The following ARAP2 variants were observed in gnomAD, a reference collection of about 807,000 sequenced individuals.
The protein encoded by ARAP2 is ArfGAP with RhoGAP domain, ankyrin repeat and PH domain 2, also known as arf-GAP with Rho-GAP domain, ANK repeat and PH domain-containing protein 2.
ARAP2 carries 148 observed loss-of-function variants against 194.5 expected under a neutral mutation model. The ratio of observed to expected loss-of-function variants is 0.76; its 90% CI spans 0.67 to 0.87. The LOEUF (loss-of-function observed/expected upper bound fraction) is 0.87. ARAP2 is among the 40% of genes least tolerant of loss of function. The pLI is 0.00. For synonymous variants in ARAP2, 695 were observed against 683.5 expected, an observed-to-expected ratio of 1.02 and a Z score of -0.26; for missense variants, 2,128 against 1,989.7, an observed-to-expected ratio of 1.07 and a Z score of -1.32.
chr4:36,123,962 A>G (rs965736705), intron 22 of ARAP2, among the ~76,000 whole-genome samples: 19 of 151,852 alleles, frequency 1.3e-4, no homozygotes, highest in African/African-American at 4.3e-4. Flanking sequence ...CTATAATTCC[A>G]TGCTGCACGC....
chr4:36,175,613 T>C (rs1305049388), intron 9 of ARAP2, among the ~76,000 whole-genome samples: 1 of 152,068 alleles, frequency 6.6e-6, no homozygotes. Context: ...CACACACATA[T>C]ACACAAACAA....
Position 36,214,446 on chromosome 4 carries a change from T to C in ARAP2, c.940A>G (p.Thr314Ala), listed in dbSNP as rs923243793. The change falls in exon 3 of 33, where the codon ACT becomes GCT. Residue 314 changes from threonine (T) to alanine (A), a missense_variant. Transcript: ENST00000303965. ...FRERRNVATSTEKSVAWQNSN... is the reference protein window; with the variant it reads ...FRERRNVATSAEKSVAWQNSN... ...CTTTGCCATGCCACAGATTTTTCAGTTGAGGTAGCAACATTTCTTCTTTCA... is the reference window on the plus strand; with the variant it reads ...CTTTGCCATGCCACAGATTTTTCAGCTGAGGTAGCAACATTTCTTCTTTCA... 6.3e-7 allele frequency: 1 copy of C among 1,595,324 alleles called. No homozygotes were observed. The highest frequency in any genetic ancestry group is 8.6e-7 in the Non-Finnish European group (1 of 1,168,914).
intron 27 of ARAP2, among the ~76,000 whole-genome samples, chr4:36,093,802 T>C (rs1438754899): frequency 6.6e-6 from 1 of 152,170 alleles, no homozygotes; most frequent in East Asian, 1.9e-4. Context: ...CAGTGTCTAC[T>C]GTTTCCGTAT....
intron 6 of ARAP2, among the ~76,000 whole-genome samples, chr4:36,017,041 A>C (rs1263285519): frequency 6.6e-6 from 1 of 152,102 alleles, no homozygotes; most frequent in Admixed American, 6.6e-5. Flanking sequence ...TTGTTTTACC[A>C]TATGCTATTT....
rs1248393864 is a variant in ARAP2 at position 36,230,792 on chromosome 4, C to A, written c.-159-1147G>T. 2.6e-5 allele frequency among the ~76,000 whole-genome samples: 4 copies of A among 152,258 alleles called. No homozygotes were observed. In the East Asian group the frequency reaches 5.8e-4, roughly 22 times the overall value. Reference sequence around the variant, plus strand: ...GATGCAGGACTGAAAAACCCCTCTACAAAAGGCACTACTTGGACTCTGCAT... The same window carrying A: ...GATGCAGGACTGAAAAACCCCTCTAAAAAAGGCACTACTTGGACTCTGCAT... On this transcript the variant is annotated intron_variant, in intron 1 of 32. Coordinates refer to ENST00000303965, the MANE Select transcript of ARAP2 (RefSeq NM_015230.4).
At chr4:36,130,743 A>G (rs1294110734) in intron 20 of ARAP2, among the ~76,000 whole-genome samples, 1 of 151,882 alleles carries the variant, frequency 6.6e-6, no homozygotes, top group Admixed American at 6.6e-5. Context: ...ATCTCTGTAT[A>G]TATCCGGCAG....
chr4:36,159,499 A>G lies in ARAP2; in HGVS notation c.2449T>C (p.Cys817Arg), dbSNP rs746893007. ...ACATCCGGTTTCACTACAGCAGCAC[A>G]TAGAGCCTGGTCATTAAAAGAAAAT... is the stretch of plus-strand genomic sequence containing the variant. ...LTKEELNKAL[C>R]AAVVKPDVLE... Residue 817 changes from cysteine to arginine, a missense_variant, in exon 14 of 33, where the codon TGT becomes CGT. Cys to Arg is a radical substitution (Grantham distance 180). Transcript: ENST00000303965. The G allele has an allele frequency of 1.3e-6, 2 of 1,542,120 alleles. No individual in the cohort carries two copies. Among genetic ancestry groups the G allele is most frequent in the South Asian group, 1.2e-5 (1 of 80,680 alleles).
intron 5 of ARAP2, among the ~76,000 whole-genome samples, chr4:36,021,356 A>G (rs955127322): frequency 6.6e-6 from 1 of 152,206 alleles, no homozygotes; most frequent in Admixed American, 6.5e-5. Context: ...CTCATGTTCA[A>G]TTGTAATCCC....
chr4:36,212,381 A>G lies in ARAP2; in HGVS notation c.1133+15T>C, dbSNP rs1425854843. ...TATTCTAAATAGTTAATCATCATCA[A>G]TCATGATCTCATACCTTGATTTGAT... On this transcript the variant is annotated intron_variant, in intron 5 of 32. Transcript: ENST00000303965. 3.2e-6 allele frequency: 5 copies of G among 1,586,092 alleles called. No homozygotes were observed. The highest frequency in any genetic ancestry group is 1.7e-5 in the Admixed American group (1 of 59,758).
intron 9 of ARAP2, among the ~76,000 whole-genome samples, chr4:36,007,632 T>G (rs1713568498): frequency 6.6e-6 from 1 of 152,198 alleles, no homozygotes; most frequent in Non-Finnish European, 1.5e-5. Context: ...TTGAAGATGT[T>G]TGTTACAGGA....
intron 2 of ARAP2, among the ~76,000 whole-genome samples, chr4:36,226,301 C>A (rs1301742433): frequency 6.6e-6 from 1 of 152,104 alleles, no homozygotes; most frequent in Non-Finnish European, 1.5e-5. Flanking sequence ...TGAAAATATA[C>A]CACTCCAGCA....
intron 6 of ARAP2, among the ~76,000 whole-genome samples, chr4:36,208,310 T>C (rs571138253): frequency 1.3e-5 from 2 of 152,324 alleles, no homozygotes; most frequent in East Asian, 3.9e-4. Context: ...CTGCTTTTTA[T>C]TACTTCTGTA....
At chr4:36,115,390 T>C (rs1721075797) in intron 25 of ARAP2, among the ~76,000 whole-genome samples, 1 of 151,998 alleles carries the variant, frequency 6.6e-6, no homozygotes, top group Non-Finnish European at 1.5e-5. Context: ...ATGCTGTTGA[T>C]ATGCATGAAC....
At chr4:36,107,768 TA>T in intron 26 of ARAP2, 75 bp from the exon 27 acceptor site, 4 of 1,426,682 alleles carry the variant, frequency 2.8e-6, no homozygotes, top group South Asian at 1.4e-5. Flanking sequence ...TCATAAATTT[TA>T]AAAAATCCAT....
intron 13 of ARAP2, chr4:36,160,197 C>A: frequency 9.2e-7 from 1 of 1,083,794 alleles, no homozygotes; most frequent in South Asian, 3.2e-5. Context: ...TTTACTGGAT[C>A]CCATTTGCTT....
chr4:36,112,883 T>A (rs1194264680), intron 26 of ARAP2, among the ~76,000 whole-genome samples: 1 of 151,734 alleles, frequency 6.6e-6, no homozygotes, highest in Non-Finnish European at 1.5e-5. Context: ...GAAACACCAG[T>A]TAATACATGT....
intron 6 of ARAP2, among the ~76,000 whole-genome samples, chr4:36,202,901 G>A (rs1744705068): frequency 6.6e-6 from 1 of 152,276 alleles, no homozygotes; most frequent in South Asian, 2.1e-4. Context: ...TGAACTGATC[G>A]CTAATCCAGC....
chr4:36,136,816 TGTGC>T (rs1553916080), intron 19 of ARAP2, among the ~76,000 whole-genome samples: 3,262 of 145,142 alleles, frequency 0.022, 51 homozygotes, highest in Middle Eastern at 0.041. Context: ...TGTGTGTGTG[TGTGC>T]GTGTCTGTGT....
In ARAP2 at chr4:36,193,346, A is replaced by G. The variant is rs59966423; in HGVS notation, c.1557+232T>C. Among the ~76,000 whole-genome samples the G allele has an allele frequency of 6.2e-3, 941 of 152,352 alleles. 12 individuals are homozygous for G. The highest frequency in any genetic ancestry group is 0.022 in the African/African-American group (897 of 41,578). On this transcript the variant is annotated intron_variant, in intron 7 of 32. Transcript: ENST00000303965. Reference sequence around the variant, plus strand: ...TTATGTTAGATTATGAGCTACAAAAAAGAGCATGTGGTTAAATCTTAAAAT... The same window carrying G: ...TTATGTTAGATTATGAGCTACAAAAGAGAGCATGTGGTTAAATCTTAAAAT...
Sources: gnomAD v4.1 joint callset for allele counts (sites outside exome capture counted in the v4.1 genomes callset) on GRCh38, gnomAD v4.1.1 for gene constraint, MANE v1.5 for transcripts, NCBI Gene and HGNC (gene_info 2026-07-23, HGNC 2026-07-21) for gene names.